EPB41: variants seen among roughly 807,000 people sequenced by gnomAD.
EPB41 encodes the protein erythrocyte membrane protein band 4.1, also known as protein 4.1.
A neutral mutation model predicts 108.0 loss-of-function variants in EPB41; 65 were observed. The observed-to-expected ratio is 0.60, with a 90% CI of 0.49 to 0.74. The LOEUF is 0.74. Among genes scored for constraint, EPB41 ranks in the 30% least tolerant of loss-of-function variants. The pLI is 0.00. For missense variants in EPB41, 875 were observed against 1,037.0 expected (o/e 0.84, Z 2.15); for synonymous variants, 336 against 358.9 (o/e 0.94, Z 0.72).
intron 11 of EPB41, among the ~76,000 whole-genome samples, chr1:29,052,228 C>T (rs1422313052): frequency 6.6e-6 from 1 of 152,148 alleles, no homozygotes; most frequent in Admixed American, 6.5e-5. Context: ...ATTAAGGTTT[C>T]TCAACCTCAG....
intron 1 of EPB41, among the ~76,000 whole-genome samples, chr1:28,967,825 T>C (rs1255851819): frequency 6.7e-6 from 1 of 149,596 alleles, no homozygotes; most frequent in Admixed American, 6.7e-5. Flanking sequence ...TTTTTTTTTT[T>C]TTTGAGTCTT....
intron 1 of EPB41, among the ~76,000 whole-genome samples, chr1:28,904,863 C>T (rs2091644339): frequency 6.6e-6 from 1 of 151,868 alleles, no homozygotes; most frequent in Non-Finnish European, 1.5e-5. Flanking sequence ...GAAACCCCAT[C>T]TCTAAAAATA....
intron 1 of EPB41, among the ~76,000 whole-genome samples, chr1:28,901,206 G>A (rs2091273937): frequency 6.7e-6 from 1 of 150,086 alleles, no homozygotes; most frequent in Admixed American, 6.7e-5. Flanking sequence ...TGGGATTACA[G>A]GCGTGAGCCA....
At chr1:28,898,719 C>A (rs1275314097) in intron 1 of EPB41, among the ~76,000 whole-genome samples, 1 of 152,242 alleles carries the variant, frequency 6.6e-6, no homozygotes, top group African/African-American at 2.4e-5. Flanking sequence ...CACTGCCAAG[C>A]TGGCTCCCCT....
chr1:28,971,164 TTTTC>T (rs1557863968), intron 1 of EPB41, among the ~76,000 whole-genome samples: 3 of 143,356 alleles, frequency 2.1e-5, no homozygotes, highest in Non-Finnish European at 4.5e-5. Context: ...AATCTTTTTT[TTTTC>T]TTTCTTTCTT....
chr1:28,912,797 T>C (rs2092325170), upstream of EPB41, among the ~76,000 whole-genome samples: 1 of 151,780 alleles, frequency 6.6e-6, no homozygotes, highest in South Asian at 2.1e-4. Context: ...TTTGTATTTT[T>C]AGTAGAGATG....
intron 1 of EPB41, among the ~76,000 whole-genome samples, chr1:28,963,556 A>G (rs2095282275): frequency 6.6e-6 from 1 of 152,214 alleles, no homozygotes; most frequent in Non-Finnish European, 1.5e-5. Flanking sequence ...TTTATCTCAT[A>G]GTCCCTCTGG....
In EPB41 at chr1:28,887,751, C is replaced by A; in HGVS notation, c.-8+541C>A. On this transcript the variant is annotated intron_variant, in intron 1 of 16. Coordinates refer to the EPB41 transcript ENST00000347529. This position sits in a 1 kb window ranked among gnomAD's most constrained non-coding sequence, Gnocchi z 4.9. ...GGAACCGACCCGCCAGCTGGGGCGCCGGCTGTGCCCGCCAGGGTGGCCCCC... is the reference window on the plus strand; with the variant it reads ...GGAACCGACCCGCCAGCTGGGGCGCAGGCTGTGCCCGCCAGGGTGGCCCCC... 1.1e-6 allele frequency: 1 copy of A among 933,296 alleles called. No individual in the cohort carries two copies. The highest frequency in any genetic ancestry group is 1.3e-6 in the Non-Finnish European group (1 of 782,234). The allele number at this position is 933,296 out of a possible 1,614,324, so 57.8% of individuals were successfully genotyped here.
intron 4 of EPB41, among the ~76,000 whole-genome samples, chr1:29,007,606 A>G (rs1365840884): frequency 6.6e-6 from 1 of 152,186 alleles, no homozygotes; most frequent in Non-Finnish European, 1.5e-5. Flanking sequence ...TGTTCTTACC[A>G]AGATAAATCT....
chr1:28,922,773 G>T (rs987004844), intron 1 of EPB41, among the ~76,000 whole-genome samples: 1 of 152,048 alleles, frequency 6.6e-6, no homozygotes, highest in Non-Finnish European at 1.5e-5. Flanking sequence ...GACTATAGGT[G>T]TGTGCTACCA....
intron 16 of EPB41, among the ~76,000 whole-genome samples, chr1:29,073,805 G>C (rs1206231829): frequency 6.6e-6 from 1 of 152,154 alleles, no homozygotes; most frequent in Non-Finnish European, 1.5e-5. Context: ...GAAGGGAAAA[G>C]ATGCTGACTC....
chr1:28,992,229 C>G (rs1473284220), intron 2 of EPB41, among the ~76,000 whole-genome samples: 2 of 152,072 alleles, frequency 1.3e-5, no homozygotes, highest in Non-Finnish European at 2.9e-5. Flanking sequence ...ATGCAGGAGT[C>G]AAATAATTAA....
chr1:28,944,193 G>T (rs557786648), intron 1 of EPB41, among the ~76,000 whole-genome samples: 37 of 152,226 alleles, frequency 2.4e-4, no homozygotes, highest in African/African-American at 8.7e-4. Flanking sequence ...GAGAAGGATG[G>T]CTACCAGAGG....
At chr1:29,059,104 G>A (rs533564055) in intron 14 of EPB41, among the ~76,000 whole-genome samples, 17 of 151,900 alleles carry the variant, frequency 1.1e-4, no homozygotes, top group South Asian at 2.1e-4. Context: ...GTGAAACCAC[G>A]TCTCTACTAA....
At position 29,021,491 on chromosome 1, in the gene EPB41, C is replaced by T. The variant is rs189530760; in HGVS notation, c.1124+3049C>T. Among the ~76,000 whole-genome samples, 721 of 152,140 alleles carry T rather than the reference C, an allele frequency of 4.7e-3. 6 individuals are homozygous for T. Among genetic ancestry groups the T allele is most frequent in the African/African-American group, 0.016 (675 of 41,504 alleles). ...TGTGTGATTAGATGGGAAGTACACA[C>T]AAAGCATTTTTGCTGCATACTGAAG... On this transcript the variant is annotated intron_variant, in intron 7 of 20. Coordinates refer to ENST00000343067, the MANE Select transcript of EPB41 (RefSeq NM_001376013.1).
In EPB41 at chr1:29,088,045, C is replaced by CTTTTTTTTTTTTT. The variant is rs750809586; in HGVS notation, c.2185-9755_2185-9754insTTTTTTTTTTTTT. ...CATCTTTTTTCCTTTTTCTTTTTTT[C>CTTTTTTTTTTTTT]TTTTTTTCTTTTTTTTTTGAGATGG... On this transcript the variant is annotated intron_variant, in intron 16 of 20. Coordinates refer to ENST00000343067, the MANE Select transcript of EPB41 (RefSeq NM_001376013.1). Among the ~76,000 whole-genome samples, 18 of 131,588 alleles carry CTTTTTTTTTTTTT rather than the reference C, an allele frequency of 1.4e-4. 1 individual carries two copies. The highest frequency in any genetic ancestry group is 1.8e-4 in the Non-Finnish European group (11 of 59,902). The allele number at this position is 131,588 out of a possible 152,430, so 86.3% of individuals were successfully genotyped here.
At chr1:28,979,146 A>T (rs935914529) in intron 1 of EPB41, among the ~76,000 whole-genome samples, 1 of 151,600 alleles carries the variant, frequency 6.6e-6, no homozygotes, top group Non-Finnish European at 1.5e-5. Flanking sequence ...GTTTCCTCAC[A>T]GAAAGGCTGT....
At chr1:28,905,733 G>C (rs1018372046) in intron 1 of EPB41, among the ~76,000 whole-genome samples, 12 of 151,934 alleles carry the variant, frequency 7.9e-5, no homozygotes, top group African/African-American at 2.9e-4. Flanking sequence ...CTTGCCTAGA[G>C]TCATACAGCA....
intron 1 of EPB41, among the ~76,000 whole-genome samples, chr1:28,933,420 A>G (rs2093844023): frequency 1.3e-5 from 2 of 152,204 alleles, no homozygotes; most frequent in Admixed American, 6.5e-5. Flanking sequence ...CTAAGACTCA[A>G]TGTTTAGCTG....
Sources: allele counts gnomAD v4.1 joint callset (sites outside exome capture counted in the v4.1 genomes callset), GRCh38; gene constraint gnomAD v4.1.1; non-coding constraint Gnocchi (gnomAD v3.1); transcripts MANE v1.5; gene names NCBI Gene and HGNC (gene_info 2026-07-23, HGNC 2026-07-21).